Variants in EDNRB observed in about 807,000 individuals in gnomAD.
EDNRB encodes the protein Hirschsprung disease 2.
A neutral mutation model predicts 46.4 loss-of-function variants in EDNRB; 18 were observed. The ratio of observed to expected loss-of-function variants is 0.39; its 90% CI spans 0.27 to 0.57. The LOEUF (loss-of-function observed/expected upper bound fraction) is 0.57, where lower values mean the gene tolerates loss of function less well. EDNRB is among the 20% of genes least tolerant of loss of function. The pLI is 0.61. For missense variants in EDNRB, 434 were observed against 537.5 expected (o/e 0.81, Z 1.90); for synonymous variants, 213 against 204.9 (o/e 1.04, Z -0.34).
At chr13:77,931,743 G>GAAAAAAAA (rs1880408354) in intron 1 of EDNRB, among the ~76,000 whole-genome samples, 1 of 21,042 alleles carries the variant, frequency 4.8e-5, no homozygotes, top group Non-Finnish European at 7.9e-5. Context: ...TACTGTAGTA[G>GAAAAAAAA]CAAAAAAAAA....
At chr13:77,946,837 G>T (rs1233286429) in intron 1 of EDNRB, among the ~76,000 whole-genome samples, 2 of 152,162 alleles carry the variant, frequency 1.3e-5, no homozygotes, top group African/African-American at 4.8e-5. Flanking sequence ...AACTGCCATT[G>T]TTATTTCCAT....
At chr13:77,908,831 C>A (rs560241457) in intron 1 of EDNRB, among the ~76,000 whole-genome samples, 1 of 151,928 alleles carries the variant, frequency 6.6e-6, no homozygotes, top group African/African-American at 2.4e-5. Context: ...GACACTATGT[C>A]GCTTCCACAT....
chr13:77,954,758 C>A (rs147425010), intron 1 of EDNRB, among the ~76,000 whole-genome samples: 4 of 152,038 alleles, frequency 2.6e-5, no homozygotes, highest in Non-Finnish European at 5.9e-5. Flanking sequence ...CCACCTGCCT[C>A]GGCCTCCCAA....
intron 1 of EDNRB, among the ~76,000 whole-genome samples, chr13:77,973,590 CAT>C (rs1881799677): frequency 6.6e-6 from 1 of 151,974 alleles, no homozygotes; most frequent in African/African-American, 2.4e-5. Flanking sequence ...ACAAAACGCA[CAT>C]ATTTTTAACC....
rs754126689 is a variant in EDNRB, at chr13:77,903,286, A to G, written c.671T>C (p.Leu224Ser). The G allele has an allele frequency of 5.0e-6, 8 of 1,613,044 alleles. No individual in the cohort carries two copies. The highest frequency in any genetic ancestry group is 6.8e-6 in the Non-Finnish European group (8 of 1,179,372). The change falls in exon 3 of 7, where the codon TTG becomes TCG. Residue 224 changes from leucine to serine, a missense_variant. Physicochemically the swap from Leu to Ser is moderately radical, Grantham distance 145. Transcript: ENST00000646607. The part of the protein sequence containing the change: ...VPKWTAVEIV[L>S]IWVVSVVLAV... ...CAGAACCACAGAGACCACCCAAATCAAAACAATTTCTACTGCTGTCCATTT... is the reference window on the plus strand; with the variant it reads ...CAGAACCACAGAGACCACCCAAATCGAAACAATTTCTACTGCTGTCCATTT...
chr13:77,935,701 A>C (rs1880540941), intron 1 of EDNRB, among the ~76,000 whole-genome samples: 1 of 152,224 alleles, frequency 6.6e-6, no homozygotes, highest in African/African-American at 2.4e-5. Flanking sequence ...GCCTTGCGGC[A>C]GTACAGCCCA....
At chr13:77,901,287 T>A (rs1878966199) in intron 3 of EDNRB, 80 bp from the exon 4 acceptor site, 2 of 1,442,418 alleles carry the variant, frequency 1.4e-6, no homozygotes, top group Non-Finnish European at 1.9e-6. Flanking sequence ...CTTAAAAAAA[T>A]TCATCAGGGA....
intron 1 of EDNRB, among the ~76,000 whole-genome samples, chr13:77,958,466 G>A (rs948946955): frequency 2.6e-4 from 40 of 152,042 alleles, no homozygotes; most frequent in African/African-American, 8.7e-4. Flanking sequence ...TCCGCCTCCC[G>A]GGTTCATGCC....
At chr13:77,917,983 C>A in intron 1 of EDNRB, 108 bp downstream of exon 1, 1 of 1,560,336 alleles carries the variant, frequency 6.4e-7, no homozygotes, top group Admixed American at 1.7e-5. Flanking sequence ...GGGGCAGAAC[C>A]TTAAGAGGGA....
intron 1 of EDNRB, among the ~76,000 whole-genome samples, chr13:77,940,175 C>A (rs567224590): frequency 6.6e-6 from 1 of 152,066 alleles, no homozygotes. Context: ...ATTCCAGGTG[C>A]TATTCTAGGC....
chr13:77,951,701 C>T (rs1288143181), intron 1 of EDNRB, among the ~76,000 whole-genome samples: 2 of 152,048 alleles, frequency 1.3e-5, no homozygotes, highest in African/African-American at 2.4e-5. Context: ...GCTTCTAATC[C>T]CCTAAATTTT....
At chr13:77,967,784 A>T (rs532971876) in intron 1 of EDNRB, among the ~76,000 whole-genome samples, 1 of 152,296 alleles carries the variant, frequency 6.6e-6, no homozygotes, top group African/African-American at 2.4e-5. Flanking sequence ...TTATGCCTTG[A>T]TATTTACTCC....
intron 1 of EDNRB, among the ~76,000 whole-genome samples, chr13:77,961,676 C>G (rs953322395): frequency 1.3e-5 from 2 of 152,072 alleles, no homozygotes; most frequent in African/African-American, 2.4e-5. Flanking sequence ...CAGGAGAAAG[C>G]AGGAAAGATC....
chr13:77,950,045 G>A (rs762178066), intron 1 of EDNRB, among the ~76,000 whole-genome samples: 1 of 152,124 alleles, frequency 6.6e-6, no homozygotes, highest in Non-Finnish European at 1.5e-5. Flanking sequence ...CCAATACCTC[G>A]TGTGCATGGG....
chr13:77,912,610 A>G (rs1203297105), intron 1 of EDNRB, among the ~76,000 whole-genome samples: 7 of 152,104 alleles, frequency 4.6e-5, no homozygotes, highest in Admixed American at 3.9e-4. Context: ...TGTAGTATTG[A>G]CAGTTGCAGC....
intron 1 of EDNRB, among the ~76,000 whole-genome samples, chr13:77,967,812 A>C (rs1437813789): frequency 1.3e-5 from 2 of 152,174 alleles, no homozygotes; most frequent in African/African-American, 4.8e-5. Flanking sequence ...AGCTATGTAG[A>C]TGTTCATTTG....
At chr13:77,922,384 C>T (rs1035991124), upstream of EDNRB, among the ~76,000 whole-genome samples, 3 of 152,162 alleles carry the variant, frequency 2.0e-5, no homozygotes, top group East Asian at 1.9e-4. Context: ...TAAACCTTTT[C>T]GCCTGGTGAC....
At chr13:77,952,102 A>C (rs1293775976) in intron 1 of EDNRB, among the ~76,000 whole-genome samples, 1 of 152,166 alleles carries the variant, frequency 6.6e-6, no homozygotes, top group Non-Finnish European at 1.5e-5. Context: ...GGGCTCTTGG[A>C]TCTCATGCAA....
In EDNRB at chr13:77,918,187, G is replaced by A. The variant is rs374619256; in HGVS notation, c.387C>T (p.Asn129=). ...TATTGGGACCGTTTCGCATGCACTTGTTCTTGTAGATAATTCTCAGAAGTG... is the reference window on the plus strand; with the variant it reads ...TATTGGGACCGTTTCGCATGCACTTATTCTTGTAGATAATTCTCAGAAGTG... ...NSTLLRIIYK[N]KCMRNGPNIL... Residue 129 remains asparagine, a synonymous_variant, in exon 1 of 7, where the codon AAC becomes AAT. Transcript: ENST00000646607. The surrounding 1 kb of genome is among the most constrained non-coding windows in gnomAD (Gnocchi z 4.5). 6.2e-7 allele frequency: 1 copy of A among 1,614,160 alleles called. No homozygotes were observed. Among genetic ancestry groups the A allele is most frequent in the African/African-American group, 1.3e-5 (1 of 75,030 alleles).
Sources: allele counts gnomAD v4.1 joint callset (sites outside exome capture counted in the v4.1 genomes callset), GRCh38; gene constraint gnomAD v4.1.1; non-coding constraint Gnocchi (gnomAD v3.1); transcripts MANE v1.5; gene names NCBI Gene and HGNC (gene_info 2026-07-23, HGNC 2026-07-21).